GPC5: variants seen among roughly 807,000 people sequenced by gnomAD.
GPC5 encodes the protein glypican-5.
GPC5 carries 47 observed loss-of-function variants against 53.9 expected under a neutral mutation model. That is an observed-to-expected ratio of 0.87 (90% CI 0.69 to 1.11). GPC5 has a LOEUF of 1.11. Ranked by LOEUF, GPC5 falls within the 50% of genes most tolerant of loss-of-function variation. The pLI, the probability that GPC5 is intolerant of heterozygous loss-of-function variation, is 0.00. For synonymous variants in GPC5, 286 were observed against 263.3 expected (o/e 1.09, Z -0.84); for missense variants, 748 against 713.1 (o/e 1.05, Z -0.56).
At chr13:92,460,941 G>C (rs1436013014) in intron 7 of GPC5, among the ~76,000 whole-genome samples, 2 of 152,132 alleles carry the variant, frequency 1.3e-5, no homozygotes, top group Non-Finnish European at 2.9e-5. Context: ...AAAGGAATTA[G>C]AATAAGAGAA....
At position 92,753,604 on chromosome 13, in the gene GPC5, A is replaced by G. The variant is rs563240853; in HGVS notation, c.1562-112678A>G. On this transcript the variant is annotated intron_variant, in intron 7 of 7. Coordinates refer to ENST00000377067, the MANE Select transcript of GPC5 (RefSeq NM_004466.6). ...TGAAAAAAATTTAGAAGAATGTATA[A>G]CTAGAATAACCAATACAAAGAAGTG... Among the ~76,000 whole-genome samples, 22 of 152,258 alleles carry G rather than the reference A, an allele frequency of 1.4e-4. 1 individual carries two copies. The South Asian group carries it at 1.9e-3, about 13-fold the overall frequency.
chr13:91,467,670 A>G (rs1049478423), intron 2 of GPC5, among the ~76,000 whole-genome samples: 3 of 152,168 alleles, frequency 2.0e-5, no homozygotes, highest in African/African-American at 7.2e-5. Context: ...TAAATTTTCA[A>G]AACATTAAAA....
intron 7 of GPC5, among the ~76,000 whole-genome samples, chr13:92,726,308 G>T (rs1888645898): frequency 6.6e-6 from 1 of 151,400 alleles, no homozygotes; most frequent in Non-Finnish European, 1.5e-5. Flanking sequence ...TCAACATATT[G>T]AAAAATAATG....
chr13:92,248,498 G>C (rs182771421), intron 7 of GPC5, among the ~76,000 whole-genome samples: 2 of 152,224 alleles, frequency 1.3e-5, no homozygotes, highest in Non-Finnish European at 1.5e-5. Context: ...CAGCGTCTCA[G>C]TTTTCTCATC....
chr13:92,224,659 G>C lies in GPC5; in HGVS notation c.1561+79670G>C, dbSNP rs1448062562. On this transcript the variant is annotated intron_variant, in intron 7 of 7. Transcript: ENST00000377067. ...TTCAGATAGTCTGGAATTTGGGTAT[G>C]TACTAGGCAGAGGGTGTCTAAATGA... Among the ~76,000 whole-genome samples the C allele has an allele frequency of 5.3e-5, 8 of 152,174 alleles. No individual in the cohort carries two copies. The East Asian group carries it at 1.5e-3, about 29-fold the overall frequency.
intron 6 of GPC5, among the ~76,000 whole-genome samples, chr13:92,050,531 C>T (rs2041019111): frequency 6.6e-6 from 1 of 152,100 alleles, no homozygotes; most frequent in Non-Finnish European, 1.5e-5. Context: ...GAGATCAGTG[C>T]CAAGTCCCTG....
chr13:92,726,790 A>T (rs1425726013), intron 7 of GPC5, among the ~76,000 whole-genome samples: 2 of 151,572 alleles, frequency 1.3e-5, no homozygotes, highest in African/African-American at 4.8e-5. Flanking sequence ...TATGAAACCC[A>T]GTCAATATGG....
At chr13:92,496,355 A>G (rs987290195) in intron 7 of GPC5, among the ~76,000 whole-genome samples, 1 of 152,226 alleles carries the variant, frequency 6.6e-6, no homozygotes, top group Non-Finnish European at 1.5e-5. Flanking sequence ...AATTTTAGAA[A>G]CAATTTACTC....
intron 7 of GPC5, among the ~76,000 whole-genome samples, chr13:92,602,663 G>A (rs1489307461): frequency 6.6e-6 from 1 of 152,092 alleles, no homozygotes; most frequent in African/African-American, 2.4e-5. Flanking sequence ...TGGGATTCTT[G>A]AAGGCAGACT....
intron 7 of GPC5, among the ~76,000 whole-genome samples, chr13:92,598,489 G>T (rs1883946527): frequency 6.6e-6 from 1 of 151,756 alleles, no homozygotes; most frequent in Admixed American, 6.6e-5. Flanking sequence ...TTATCTTCTA[G>T]ATTATGAAGA....
At chr13:91,550,375 G>T (rs916335217) in intron 2 of GPC5, among the ~76,000 whole-genome samples, 1 of 152,214 alleles carries the variant, frequency 6.6e-6, no homozygotes, top group South Asian at 2.1e-4. Flanking sequence ...TAATTATGAT[G>T]TGTCAGTATA....
chr13:92,217,293 TCTC>T (rs1296661482), intron 7 of GPC5, among the ~76,000 whole-genome samples: 1 of 152,196 alleles, frequency 6.6e-6, no homozygotes, highest in African/African-American at 2.4e-5. Flanking sequence ...TCCTAAGCCT[TCTC>T]CTAATATCAG....
At chr13:92,448,938 A>T (rs1024497257) in intron 7 of GPC5, 1 of 150,990 alleles carries the variant, frequency 6.6e-6, no homozygotes, top group African/African-American at 2.4e-5. Context: ...GCACTGTAGA[A>T]GTGCCTACTG....
At chr13:92,562,939 T>C (rs1882743417) in intron 7 of GPC5, among the ~76,000 whole-genome samples, 2 of 151,890 alleles carry the variant, frequency 1.3e-5, no homozygotes, top group Non-Finnish European at 2.9e-5. Context: ...GGTAGCATAA[T>C]AAAAGGGAAG....
chr13:91,961,598 G>C (rs930853683), intron 6 of GPC5, among the ~76,000 whole-genome samples: 1 of 151,898 alleles, frequency 6.6e-6, no homozygotes, highest in Admixed American at 6.6e-5. Flanking sequence ...AATAAACAAA[G>C]GATTGTTATT....
At chr13:91,809,120 G>T (rs540505569) in intron 5 of GPC5, among the ~76,000 whole-genome samples, 19 of 152,226 alleles carry the variant, frequency 1.2e-4, no homozygotes, top group African/African-American at 4.3e-4. Flanking sequence ...CAAAAAGCAT[G>T]ATTAAGCCCT....
chr13:91,916,030 T>A (rs977950150), intron 6 of GPC5, among the ~76,000 whole-genome samples: 2 of 152,348 alleles, frequency 1.3e-5, no homozygotes, highest in Middle Eastern at 3.4e-3. Flanking sequence ...GACTTCTGAG[T>A]TAGCACAAGG....
At chr13:92,278,627 T>C (rs1053034526) in intron 7 of GPC5, among the ~76,000 whole-genome samples, 1 of 152,074 alleles carries the variant, frequency 6.6e-6, no homozygotes, top group African/African-American at 2.4e-5. Flanking sequence ...CATGAAGATT[T>C]ACCCTGTGAT....
chr13:91,788,865 G>A (rs1433201791), intron 5 of GPC5, among the ~76,000 whole-genome samples: 1 of 152,132 alleles, frequency 6.6e-6, no homozygotes, highest in Non-Finnish European at 1.5e-5. Flanking sequence ...ATGATGTGTT[G>A]TTAATTTTTA....
Sources: allele counts gnomAD v4.1 joint callset (sites outside exome capture counted in the v4.1 genomes callset), GRCh38; gene constraint gnomAD v4.1.1; transcripts MANE v1.5; gene names NCBI Gene and HGNC (gene_info 2026-07-23, HGNC 2026-07-21).